The following HECW1 variants were observed in gnomAD, a reference collection of about 807,000 sequenced individuals.
HECW1 encodes E3 ubiquitin-protein ligase HECW1.
HECW1 carries 61 observed loss-of-function variants against 182.3 expected under a neutral mutation model. That is an observed-to-expected ratio of 0.33 (90% CI 0.27 to 0.41). The LOEUF is 0.41. HECW1 is among the 10% of genes least tolerant of loss of function. HECW1 has a pLI of 1.00. For synonymous variants in HECW1, 859 were observed against 832.6 expected (o/e 1.03, Z -0.55); for missense variants, 1,739 against 2,108.9 (o/e 0.82, Z 3.44).
At chr7:43,161,809 C>CATAT (rs10636404) in intron 2 of HECW1, 98 of 152,362 alleles carry the variant, frequency 6.4e-4, no homozygotes, top group African/African-American at 2.2e-3. Flanking sequence ...CCCTAATTCC[C>CATAT]ATATACACTT....
At position 43,445,467 on chromosome 7, in the gene HECW1, C is replaced by A. The variant is rs756411752; in HGVS notation, c.2295C>A (p.Gly765=). Residue 765 remains glycine (G), a synonymous_variant, in exon 11 of 30, where the codon GGC becomes GGA. Transcript: ENST00000395891. The part of the protein sequence containing the change: ...SPELDPESTN[G]AGPWQDELAA... ...AGCTGGACCCGGAGTCCACGAACGG[C>A]GCTGGGCCGTGGCAAGACGAGCTGG... The A allele has an allele frequency of 6.2e-7, 1 of 1,612,504 alleles. No homozygotes were observed. Among genetic ancestry groups the A allele is most frequent in the East Asian group, 2.2e-5 (1 of 44,870 alleles).
At position 43,470,414 on chromosome 7, in the gene HECW1, A is replaced by C. The variant is rs113094638; in HGVS notation, c.3099+1309A>C. On this transcript the variant is annotated intron_variant, in intron 16 of 29. Transcript: ENST00000395891. Reference sequence around the variant, plus strand: ...GTTTGCCGAGCCTTGGATTTCCATGACTGCAGCTTTTGCACCAAGATAAGG... The same window carrying C: ...GTTTGCCGAGCCTTGGATTTCCATGCCTGCAGCTTTTGCACCAAGATAAGG... 2.6e-3 allele frequency among the ~76,000 whole-genome samples: 396 copies of C among 152,344 alleles called. 4 individuals are homozygous for C. Among genetic ancestry groups the C allele is most frequent in the African/African-American group, 9.0e-3 (373 of 41,572 alleles).
chr7:43,521,180 A>C (rs932212708), intron 24 of HECW1, among the ~76,000 whole-genome samples: 1 of 152,354 alleles, frequency 6.6e-6, no homozygotes, highest in South Asian at 2.1e-4. Flanking sequence ...CAACGTGATG[A>C]TATTAAGAGG....
chr7:43,340,223 C>T (rs1405748985), intron 5 of HECW1, among the ~76,000 whole-genome samples: 1 of 99,564 alleles, frequency 1.0e-5, no homozygotes, highest in Non-Finnish European at 1.9e-5. Flanking sequence ...CCACCCCCCA[C>T]CCCTTTTTTT....
intron 6 of HECW1, among the ~76,000 whole-genome samples, chr7:43,392,115 C>G (rs1004154456): frequency 6.6e-6 from 1 of 152,046 alleles, no homozygotes; most frequent in Non-Finnish European, 1.5e-5. Context: ...TATTATGGAG[C>G]CTTATACTTT....
intron 2 of HECW1, among the ~76,000 whole-genome samples, chr7:43,145,545 G>A (rs192006103): frequency 2.6e-5 from 4 of 152,246 alleles, no homozygotes; most frequent in South Asian, 2.1e-4. Flanking sequence ...CAATCCTCCC[G>A]CTTTGGCCTC....
At chr7:43,229,530 G>T (rs1797704874) in intron 2 of HECW1, among the ~76,000 whole-genome samples, 1 of 152,132 alleles carries the variant, frequency 6.6e-6, no homozygotes, top group East Asian at 1.9e-4. Flanking sequence ...TGGGTACTAG[G>T]TTTAGTACCT....
rs572901237 is a variant in HECW1, at chr7:43,486,936, C to T, written c.3235-5139C>T. ...TTTTTCTATATTTAATCACATGGAT[C>T]TACCATCATTTAACACAAGCCTTTC... On this transcript the variant is annotated intron_variant, in intron 17 of 29. Transcript: ENST00000395891. Among the ~76,000 whole-genome samples the T allele has an allele frequency of 6.6e-5, 10 of 152,360 alleles. No individual in the cohort carries two copies. The South Asian group carries it at 2.1e-3, about 32-fold the overall frequency.
At chr7:43,549,715 C>T (rs972803562) in intron 26 of HECW1, among the ~76,000 whole-genome samples, 1 of 152,150 alleles carries the variant, frequency 6.6e-6, no homozygotes, top group African/African-American at 2.4e-5. Flanking sequence ...GGTTCCCTTC[C>T]CAGGGTCAGG....
chr7:43,265,653 CT>C (rs1252035243), intron 3 of HECW1, among the ~76,000 whole-genome samples: 1 of 152,206 alleles, frequency 6.6e-6, no homozygotes, highest in African/African-American at 2.4e-5. Context: ...CTGAGACCAA[CT>C]GGGTATCCAA....
intron 13 of HECW1, among the ~76,000 whole-genome samples, chr7:43,461,731 C>A (rs1394054747): frequency 1.3e-5 from 2 of 152,198 alleles, no homozygotes; most frequent in Middle Eastern, 3.2e-3. Context: ...CTCTGTAATT[C>A]CACCACCACT....
chr7:43,358,611 T>G (rs1346140645), intron 5 of HECW1, among the ~76,000 whole-genome samples: 1 of 152,068 alleles, frequency 6.6e-6, no homozygotes, highest in East Asian at 1.9e-4. Context: ...TGATTAAAAT[T>G]TAATGAAAAA....
At position 43,501,871 on chromosome 7, in the gene HECW1, T is replaced by C. The variant is rs375282195; in HGVS notation, c.3631+549T>C. On this transcript the variant is annotated intron_variant, in intron 21 of 29. Transcript: ENST00000395891. The stretch of plus-strand genomic sequence containing the variant: ...GAAAGAAAGAAAGAAAAGAAAAAAA[T>C]TAAGACAGTATTTTATGACATGTGA... 3.8e-4 allele frequency among the ~76,000 whole-genome samples: 58 copies of C among 152,036 alleles called. 1 individual carries two copies. In the South Asian group the frequency reaches 0.012, roughly 32 times the overall value.
chr7:43,540,383 C>G (rs1333676377), intron 24 of HECW1, among the ~76,000 whole-genome samples: 1 of 152,180 alleles, frequency 6.6e-6, no homozygotes, highest in African/African-American at 2.4e-5. Flanking sequence ...GCATAGGATG[C>G]TAGACCAGGC....
At chr7:43,475,445 T>C (rs1050421206) in intron 16 of HECW1, among the ~76,000 whole-genome samples, 2 of 152,208 alleles carry the variant, frequency 1.3e-5, no homozygotes, top group Admixed American at 6.5e-5. Flanking sequence ...TGAACAATAC[T>C]TAATAAAATA....
intron 7 of HECW1, among the ~76,000 whole-genome samples, chr7:43,403,092 G>A (rs1374905691): frequency 1.3e-5 from 2 of 152,298 alleles, no homozygotes; most frequent in East Asian, 3.9e-4. Context: ...GATGTTGTTG[G>A]CGTGGGAAAT....
chr7:43,426,829 T>C (rs561450693), intron 8 of HECW1, among the ~76,000 whole-genome samples: 2 of 152,248 alleles, frequency 1.3e-5, no homozygotes, highest in Admixed American at 1.3e-4. Flanking sequence ...AAATTTTTAT[T>C]TTCTGGAAAA....
intron 6 of HECW1, among the ~76,000 whole-genome samples, chr7:43,365,930 T>TA (rs1298510428): frequency 6.6e-6 from 1 of 151,766 alleles, no homozygotes; most frequent in Non-Finnish European, 1.5e-5. Flanking sequence ...CCCATCTCTA[T>TA]AAAAAAATAA....
chr7:43,398,380 G>C (rs533255944), intron 7 of HECW1, among the ~76,000 whole-genome samples: 1 of 152,274 alleles, frequency 6.6e-6, no homozygotes, highest in Admixed American at 6.5e-5. Context: ...GTCTTTAAGG[G>C]GACACAGCGG....
Sources: gnomAD v4.1 joint callset for allele counts (sites outside exome capture counted in the v4.1 genomes callset) on GRCh38, gnomAD v4.1.1 for gene constraint, MANE v1.5 for transcripts, NCBI Gene and HGNC (gene_info 2026-07-23, HGNC 2026-07-21) for gene names.